The following SDK1 variants were observed in gnomAD, a reference collection of about 807,000 sequenced individuals.
SDK1 encodes protein sidekick-1.
A neutral mutation model predicts 245.5 loss-of-function variants in SDK1; 157 were observed. The ratio of observed to expected loss-of-function variants is 0.64; its 90% confidence interval spans 0.56 to 0.73. The LOEUF is 0.73. Among genes scored for constraint, SDK1 ranks in the 30% least tolerant of loss-of-function variants. The probability of loss-of-function intolerance (pLI) is 0.00; values close to 1 mark genes in which losing one functional copy is unlikely to be tolerated. For missense variants in SDK1, 3,583 were observed against 3,002.3 expected (o/e 1.19, Z -4.52); for synonymous variants, 1,647 against 1,278.5 (o/e 1.29, Z -6.15).
intron 5 of SDK1, among the ~76,000 whole-genome samples, chr7:3,905,004 AAAAAAT>A (rs1222518259): frequency 6.7e-6 from 1 of 149,376 alleles, no homozygotes; most frequent in Non-Finnish European, 1.5e-5. Flanking sequence ...AAAAAAAAAA[AAAAAAT>A]AATAATAATA....
intron 5 of SDK1, among the ~76,000 whole-genome samples, chr7:3,919,583 A>T (rs1383031507): frequency 6.6e-6 from 1 of 152,158 alleles, no homozygotes; most frequent in Non-Finnish European, 1.5e-5. Context: ...CGAGGCATTG[A>T]CCAAAATCTT....
chr7:3,638,850 G>T (rs1002221321), intron 2 of SDK1, among the ~76,000 whole-genome samples, 154 bp from the exon 3 acceptor site: 2 of 151,448 alleles, frequency 1.3e-5, no homozygotes, highest in Non-Finnish European at 2.9e-5. Context: ...GTTAGGGAAG[G>T]ATTGCACAGA....
intron 35 of SDK1, among the ~76,000 whole-genome samples, chr7:4,181,750 T>G (rs555611728): frequency 1.3e-4 from 20 of 151,868 alleles, no homozygotes; most frequent in African/African-American, 4.9e-4. Flanking sequence ...ACCAAGGCCT[T>G]TTCCATGCAC....
chr7:3,392,563 C>T (rs1040213133), intron 1 of SDK1, among the ~76,000 whole-genome samples: 6 of 152,048 alleles, frequency 3.9e-5, no homozygotes, highest in African/African-American at 1.2e-4. Flanking sequence ...ATTTCCAAAA[C>T]GTCTTTGTCA....
intron 25 of SDK1, among the ~76,000 whole-genome samples, chr7:4,116,608 A>G (rs549671037): frequency 1.3e-4 from 20 of 152,322 alleles, no homozygotes; most frequent in South Asian, 2.1e-4. Context: ...GGTTTCCTCA[A>G]TGCTGGTTAA....
intron 5 of SDK1, among the ~76,000 whole-genome samples, chr7:3,886,225 A>T (rs746345134): frequency 4.6e-5 from 7 of 152,214 alleles, no homozygotes; most frequent in Non-Finnish European, 1.0e-4. Flanking sequence ...AGTGCTGCAC[A>T]TCGGGGATTC....
intron 12 of SDK1, among the ~76,000 whole-genome samples, chr7:3,973,040 C>T (rs1347955373): frequency 1.3e-5 from 2 of 152,106 alleles, no homozygotes; most frequent in African/African-American, 4.8e-5. Flanking sequence ...GAAAGAACCC[C>T]CTCGGATCCC....
At chr7:4,169,256 G>T (rs1781684708) in intron 32 of SDK1, among the ~76,000 whole-genome samples, 1 of 152,220 alleles carries the variant, frequency 6.6e-6, no homozygotes. Context: ...GCTCCGTTCT[G>T]GCCAGTCTCC....
intron 11 of SDK1, among the ~76,000 whole-genome samples, chr7:3,969,657 A>C (rs1782333070): frequency 6.6e-6 from 1 of 152,260 alleles, no homozygotes; most frequent in South Asian, 2.1e-4. Flanking sequence ...GGAGAGACGA[A>C]AGATTGACTT....
chr7:3,841,026 C>T (rs1320573224), intron 5 of SDK1, among the ~76,000 whole-genome samples: 1 of 152,224 alleles, frequency 6.6e-6, no homozygotes, highest in Non-Finnish European at 1.5e-5. Flanking sequence ...GAGAGAGCTG[C>T]TGCATGTGAT....
chr7:3,978,699 C>G (rs573185210), intron 13 of SDK1, among the ~76,000 whole-genome samples: 1 of 152,182 alleles, frequency 6.6e-6, no homozygotes, highest in African/African-American at 2.4e-5. Flanking sequence ...TCTTGGGTAA[C>G]TTTCAAACTG....
intron 4 of SDK1, among the ~76,000 whole-genome samples, chr7:3,667,711 G>T (rs1783577351): frequency 6.6e-6 from 1 of 152,282 alleles, no homozygotes; most frequent in Non-Finnish European, 1.5e-5. Flanking sequence ...TTTAGCCTTT[G>T]AATCTGGCTT....
At chr7:3,851,963 A>G (rs1780429500) in intron 5 of SDK1, among the ~76,000 whole-genome samples, 1 of 152,220 alleles carries the variant, frequency 6.6e-6, no homozygotes, top group East Asian at 1.9e-4. Context: ...AGTATGTTTT[A>G]CACTATTTAA....
intron 1 of SDK1, among the ~76,000 whole-genome samples, chr7:3,379,386 A>G (rs550456988): frequency 7.2e-5 from 11 of 152,122 alleles, no homozygotes; most frequent in African/African-American, 2.7e-4. Flanking sequence ...GTTGCCATGG[A>G]AGTCCACCTG....
At chr7:3,800,167 C>A (rs1358816896) in intron 4 of SDK1, among the ~76,000 whole-genome samples, 1 of 152,052 alleles carries the variant, frequency 6.6e-6, no homozygotes, top group East Asian at 1.9e-4. Context: ...AAGCTTCCAG[C>A]CTGTGTGTCT....
intron 22 of SDK1, among the ~76,000 whole-genome samples, chr7:4,082,735 C>G (rs1446363341): frequency 6.6e-6 from 1 of 152,036 alleles, no homozygotes; most frequent in Non-Finnish European, 1.5e-5. Context: ...ATCCTCTCAT[C>G]TCAGCCTCCT....
chr7:3,588,965 G>C (rs1370301669), intron 1 of SDK1, among the ~76,000 whole-genome samples: 1 of 152,150 alleles, frequency 6.6e-6, no homozygotes, highest in Non-Finnish European at 1.5e-5. Flanking sequence ...TTTTATTTAG[G>C]ATTTTAGTAT....
At chr7:4,258,015 G>A (rs769317855) in intron 44 of SDK1, among the ~76,000 whole-genome samples, 1 of 152,180 alleles carries the variant, frequency 6.6e-6, no homozygotes, top group East Asian at 1.9e-4. Context: ...CGAGTTGGAC[G>A]ACCAAGCACT....
chr7:3,786,620 A>G (rs1780908346), intron 4 of SDK1, among the ~76,000 whole-genome samples: 1 of 152,202 alleles, frequency 6.6e-6, no homozygotes. Flanking sequence ...CAGTGAATGG[A>G]CTGAAATACA....
Sources: gnomAD v4.1 joint callset for allele counts (sites outside exome capture counted in the v4.1 genomes callset) on GRCh38, gnomAD v4.1.1 for gene constraint, MANE v1.5 for transcripts, NCBI Gene and HGNC (gene_info 2026-07-23, HGNC 2026-07-21) for gene names.